The following ASF1A variants were observed in gnomAD, a reference collection of about 807,000 sequenced individuals.
ASF1A encodes anti-silencing function 1A histone chaperone, also known as histone chaperone ASF1A.
A neutral mutation model predicts 22.0 loss-of-function variants in ASF1A; 5 were observed. That is an observed-to-expected ratio of 0.23 (90% CI 0.12 to 0.48). ASF1A has a LOEUF of 0.48. Among genes scored for constraint, ASF1A ranks in the 20% least tolerant of loss-of-function variants. ASF1A has a pLI of 0.99. For synonymous variants in ASF1A, 97 were observed against 86.7 expected (o/e 1.12, Z -0.66); for missense variants, 137 against 240.6 (o/e 0.57, Z 2.85).
At position 118,908,492 on chromosome 6, in the gene ASF1A, C is replaced by T. The variant is rs1442962872; in HGVS notation, c.*878C>T. ...GTTATTGGCAGTATTTATATAAAAA[C>T]CATGGATTTAGAAAGGTATATTTAG... is the stretch of plus-strand genomic sequence containing the variant. On this transcript the variant is annotated 3_prime_UTR_variant, in exon 4 of 4. Transcript: ENST00000229595. The T allele has an allele frequency of 6.6e-6, 1 of 151,908 alleles. No homozygotes were observed. The highest frequency in any genetic ancestry group is 1.9e-4 in the East Asian group (1 of 5,190). The allele number at this position is 151,908 out of a possible 1,614,324, so 9.4% of individuals were successfully genotyped here.
chr6:118,907,452 T>C lies in ASF1A; in HGVS notation c.453T>C (p.Ile151=). ...ATCCCAGGGTCACAAGATTCCACATTAATTGGGAAGATAACACAGAAAAAC... is the reference window on the plus strand; with the variant it reads ...ATCCCAGGGTCACAAGATTCCACATCAATTGGGAAGATAACACAGAAAAAC... ...ASNPRVTRFH[I]NWEDNTEKLE... Residue 151 remains isoleucine, a synonymous_variant, in exon 4 of 4, where the codon ATT becomes ATC. Transcript: ENST00000229595. The C allele has an allele frequency of 6.2e-7, 1 of 1,612,184 alleles. No individual in the cohort carries two copies. The highest frequency in any genetic ancestry group is 1.1e-5 in the South Asian group (1 of 90,756).
chr6:118,900,261 T>C (rs1309581136), intron 1 of ASF1A, among the ~76,000 whole-genome samples: 1 of 152,198 alleles, frequency 6.6e-6, no homozygotes, highest in East Asian at 1.9e-4. Flanking sequence ...GTTTTACTAA[T>C]AATTTTTCTA....
chr6:118,894,698 G>A (rs1779228052), intron 1 of ASF1A, among the ~76,000 whole-genome samples, 176 bp downstream of exon 1: 2 of 152,346 alleles, frequency 1.3e-5, no homozygotes, highest in South Asian at 4.1e-4. Flanking sequence ...GCGGCTTTCC[G>A]CCGCAGCCCA....
At chr6:118,904,176 G>T (rs904903302) in intron 2 of ASF1A, among the ~76,000 whole-genome samples, 2 of 152,150 alleles carry the variant, frequency 1.3e-5, no homozygotes, top group African/African-American at 4.8e-5. Flanking sequence ...AAAATTCTAA[G>T]CAATATTCCA....
At chr6:118,896,379 A>G (rs1024291047) in intron 1 of ASF1A, among the ~76,000 whole-genome samples, 3 of 151,318 alleles carry the variant, frequency 2.0e-5, no homozygotes, top group Non-Finnish European at 2.9e-5. Context: ...TCTTCAAATT[A>G]CAGGTATTTC....
intron 1 of ASF1A, among the ~76,000 whole-genome samples, chr6:118,895,376 G>A (rs894024391): frequency 7.2e-5 from 11 of 152,196 alleles, no homozygotes; most frequent in Non-Finnish European, 1.3e-4. Flanking sequence ...GAGGTAGGAA[G>A]TTACATTTAA....
In ASF1A at chr6:118,894,245, T is replaced by G; in HGVS notation, c.-169T>G. ...GAAATAGGAAAGCTGCAAAACACTG[T>G]GGAGTGCTCCCGTGTAAATAAAAAG... On this transcript the variant is annotated 5_prime_UTR_variant, in exon 1 of 4. Coordinates refer to ENST00000229595, the MANE Select transcript of ASF1A (RefSeq NM_014034.3). 2.8e-6 allele frequency: 4 copies of G among 1,446,612 alleles called. No individual in the cohort carries two copies. The highest frequency in any genetic ancestry group is 3.6e-6 in the Non-Finnish European group (4 of 1,105,422). The allele number at this position is 1,446,612 out of a possible 1,614,324, so 89.6% of individuals were successfully genotyped here.
intron 1 of ASF1A, 131 bp downstream of exon 1, chr6:118,894,653 CT>C: frequency 1.3e-6 from 1 of 788,590 alleles, no homozygotes; most frequent in Non-Finnish European, 2.0e-6. Flanking sequence ...CGGAGGGAAA[CT>C]TGAAGTTGAT....
chr6:118,900,515 G>C (rs1291438595), intron 1 of ASF1A, among the ~76,000 whole-genome samples: 1 of 152,156 alleles, frequency 6.6e-6, no homozygotes, highest in Non-Finnish European at 1.5e-5. Flanking sequence ...CCAAGTGTTT[G>C]GCTATGTTAT....
Position 118,907,552 on chromosome 6 carries a change from G to A in ASF1A, c.553G>A (p.Gly185Arg). The change falls in exon 4 of 4, where the codon GGA (glycine) becomes AGA (arginine). Residue 185 changes from glycine (G) to arginine (R), a missense_variant. Physicochemically the swap from Gly to Arg is moderately radical, Grantham distance 125. Coordinates refer to ENST00000229595, the MANE Select transcript of ASF1A (RefSeq NM_014034.3). ...STDALPSASK[G>R]WSTSENSLNV... ...AGATGCATTACCTTCAGCATCAAAG[G>A]GATGGTCCACATCAGAAAACTCACT... is the stretch of plus-strand genomic sequence containing the variant. The A allele has an allele frequency of 6.2e-7, 1 of 1,613,622 alleles. No homozygotes were observed. The highest frequency in any genetic ancestry group is 2.2e-5 in the East Asian group (1 of 44,820).
chr6:118,905,151 T>C (rs1780088421), intron 2 of ASF1A, among the ~76,000 whole-genome samples: 1 of 152,236 alleles, frequency 6.6e-6, no homozygotes, highest in Non-Finnish European at 1.5e-5. Context: ...TTCAGTTTTA[T>C]ACTAATTTAC....
At chr6:118,903,589 G>A (rs1355397511) in intron 2 of ASF1A, among the ~76,000 whole-genome samples, 2 of 152,128 alleles carry the variant, frequency 1.3e-5, no homozygotes, top group Non-Finnish European at 2.9e-5. Flanking sequence ...CATAAAAAAG[G>A]AATCTATTGA....
At chr6:118,902,034 G>A (rs963245095) in intron 2 of ASF1A, among the ~76,000 whole-genome samples, 1 of 152,114 alleles carries the variant, frequency 6.6e-6, no homozygotes, top group Non-Finnish European at 1.5e-5. Context: ...TGATTAAAAA[G>A]CAACAAATAA....
In ASF1A at chr6:118,896,970, T is replaced by G. The variant is rs762306970; in HGVS notation, c.109+2448T>G. Among the ~76,000 whole-genome samples, 123 of 152,252 alleles carry G rather than the reference T, an allele frequency of 8.1e-4. 1 individual carries two copies. The highest frequency in any genetic ancestry group is 2.0e-3 in the Admixed American group (30 of 15,296). ...CTCCCACCTTAGCCTCCTGAATAGC[T>G]GGGACCATAGTCGATGTGCCACCAC... On this transcript the variant is annotated intron_variant, in intron 1 of 3. Coordinates refer to ENST00000229595, the MANE Select transcript of ASF1A (RefSeq NM_014034.3).
intron 2 of ASF1A, among the ~76,000 whole-genome samples, chr6:118,904,229 T>A (rs185220272): frequency 2.2e-4 from 33 of 152,094 alleles, no homozygotes; most frequent in Non-Finnish European, 4.1e-4. Context: ...ATGAAAAAAA[T>A]GTTGAGACTG....
At chr6:118,900,420 T>G (rs1779729823) in intron 1 of ASF1A, among the ~76,000 whole-genome samples, 1 of 152,244 alleles carries the variant, frequency 6.6e-6, no homozygotes, top group Non-Finnish European at 1.5e-5. Flanking sequence ...TTAATGTTAC[T>G]GGTGTTCTTT....
chr6:118,904,302 C>T (rs939732609), intron 2 of ASF1A, among the ~76,000 whole-genome samples: 9 of 152,134 alleles, frequency 5.9e-5, no homozygotes, highest in South Asian at 2.1e-4. Flanking sequence ...CACTAGGTAG[C>T]GATTTTATGC....
Position 118,894,367 on chromosome 6 carries a change from G to T in ASF1A, c.-47G>T. Reference sequence around the variant, plus strand: ...GAGCGGCCGCGCGCTGGACTTTATTGTGCCGCAACCAGCCCCAGTTCCCAT... The same window carrying T: ...GAGCGGCCGCGCGCTGGACTTTATTTTGCCGCAACCAGCCCCAGTTCCCAT... On this transcript the variant is annotated 5_prime_UTR_variant, in exon 1 of 4. Transcript: ENST00000229595. 6.5e-7 allele frequency: 1 copy of T among 1,536,250 alleles called. No homozygotes were observed. The highest frequency in any genetic ancestry group is 8.7e-7 in the Non-Finnish European group (1 of 1,146,246).
intron 2 of ASF1A, among the ~76,000 whole-genome samples, chr6:118,902,112 GCT>G (rs1345973471): frequency 6.6e-6 from 1 of 152,168 alleles, no homozygotes; most frequent in Non-Finnish European, 1.5e-5. Flanking sequence ...AATTAAAAGT[GCT>G]GTTAATCAAA....
Sources: allele counts gnomAD v4.1 joint callset (sites outside exome capture counted in the v4.1 genomes callset), GRCh38; gene constraint gnomAD v4.1.1; transcripts MANE v1.5; gene names NCBI Gene and HGNC (gene_info 2026-07-23, HGNC 2026-07-21).